The following DIP2C variants were observed in gnomAD, a reference collection of about 807,000 sequenced individuals.
DIP2C encodes DIP2 acetate--CoA ligase C (putative), also known as disco-interacting protein 2 homolog C.
Under a neutral mutation model 192.4 loss-of-function variants are expected in DIP2C, and 33 were observed. That is an observed-to-expected ratio of 0.17 (90% CI 0.13 to 0.23). The LOEUF is 0.23. Ranked by LOEUF, DIP2C falls within the 10% of genes least tolerant of loss-of-function variation. The pLI is 1.00. For synonymous variants in DIP2C, 979 were observed against 864.1 expected, an observed-to-expected ratio of 1.13 and a Z score of -2.33; for missense variants, 1,537 against 2,110.1, an observed-to-expected ratio of 0.73 and a Z score of 5.32.
chr10:400,178 G>A (rs779189162), intron 9 of DIP2C, among the ~76,000 whole-genome samples: 2 of 150,380 alleles, frequency 1.3e-5, no homozygotes, highest in Non-Finnish European at 3.0e-5. Flanking sequence ...GAGCACTACT[G>A]CATGCAGCTA....
At chr10:299,846 T>C (rs1955933798) in intron 32 of DIP2C, among the ~76,000 whole-genome samples, 1 of 152,034 alleles carries the variant, frequency 6.6e-6, no homozygotes, top group African/African-American at 2.4e-5. Flanking sequence ...AGCTAAAAAG[T>C]GTGGAAAAAC....
At chr10:365,787 G>T (rs567713126) in intron 19 of DIP2C, among the ~76,000 whole-genome samples, 2 of 152,316 alleles carry the variant, frequency 1.3e-5, no homozygotes, top group East Asian at 3.9e-4. Context: ...GTGCCACTGA[G>T]ATCGTTACAT....
rs547412437 is a variant in DIP2C, at chr10:483,312, C to T, written c.157+3147G>A. 2.0e-5 allele frequency among the ~76,000 whole-genome samples: 3 copies of T among 152,360 alleles called. No individual in the cohort carries two copies. In the East Asian group the frequency reaches 5.8e-4, roughly 29 times the overall value. On this transcript the variant is annotated intron_variant, in intron 2 of 36. Coordinates refer to ENST00000280886, the MANE Select transcript of DIP2C (RefSeq NM_014974.3). ...GGGAACAAGAAAGAAAGATGTTTTCCACGAAGATCCTGCACAAAGGAAGTC... is the reference window on the plus strand; with the variant it reads ...GGGAACAAGAAAGAAAGATGTTTTCTACGAAGATCCTGCACAAAGGAAGTC...
At chr10:472,317 G>C (rs1970695716) in intron 3 of DIP2C, 122 bp downstream of exon 3, 1 of 770,610 alleles carries the variant, frequency 1.3e-6, no homozygotes, top group African/African-American at 1.8e-5. Flanking sequence ...GAAAGCTGGA[G>C]GCCCCTCGCG....
chr10:506,132 C>A (rs775987054), intron 1 of DIP2C, among the ~76,000 whole-genome samples: 3 of 152,156 alleles, frequency 2.0e-5, no homozygotes, highest in Non-Finnish European at 4.4e-5. Context: ...ACATGCTTCC[C>A]ATGCTCGTTA....
At position 591,059 on chromosome 10, in the gene DIP2C, C is replaced by A. The variant is rs372242927; in HGVS notation, c.85+98435G>T. Among the ~76,000 whole-genome samples, 5 of 152,124 alleles carry A rather than the reference C, an allele frequency of 3.3e-5. No individual in the cohort carries two copies. The South Asian group carries it at 1.0e-3, about 32-fold the overall frequency. On this transcript the variant is annotated intron_variant, in intron 1 of 36. Transcript: ENST00000280886. ...AACACACATCCAATTCATCCTGTCA[C>A]TAAAAAATGAAAGAAGCCGCCACCT...
chr10:426,212 G>A (rs1040633801), intron 4 of DIP2C, among the ~76,000 whole-genome samples: 1 of 152,066 alleles, frequency 6.6e-6, no homozygotes, highest in South Asian at 2.1e-4. Flanking sequence ...TAAACAACCT[G>A]AGAATAAAGT....
At chr10:598,532 C>T (rs1851857468) in intron 1 of DIP2C, among the ~76,000 whole-genome samples, 1 of 152,188 alleles carries the variant, frequency 6.6e-6, no homozygotes, top group South Asian at 2.1e-4. Flanking sequence ...GGAGAGGCCC[C>T]AGCCTGGCTC....
rs553326041 is a variant in DIP2C at position 599,946 on chromosome 10, G to A, written c.85+89548C>T. ...TCTCCTGTGTACACCTCAAGAGGCC[G>A]GGTGTGCAGGAGGGGGCTTCCAGGA... On this transcript the variant is annotated intron_variant, in intron 1 of 36. Coordinates refer to ENST00000280886, the MANE Select transcript of DIP2C (RefSeq NM_014974.3). Among the ~76,000 whole-genome samples the A allele has an allele frequency of 8.2e-4, 125 of 152,252 alleles. 2 individuals are homozygous for A. The highest frequency in any genetic ancestry group is 1.1e-3 in the Non-Finnish European group (72 of 68,022).
chr10:348,622 A>C lies in DIP2C; in HGVS notation c.3231+19T>G. 1 of 1,610,360 alleles carries C rather than the reference A, an allele frequency of 6.2e-7. No individual in the cohort carries two copies. Among genetic ancestry groups the C allele is most frequent in the Non-Finnish European group, 8.5e-7 (1 of 1,178,634 alleles). On this transcript the variant is annotated intron_variant, in intron 26 of 36. Coordinates refer to ENST00000280886, the MANE Select transcript of DIP2C (RefSeq NM_014974.3). ...CAGCTCCAGGCAGGTGGAGGCCCCG[A>C]CATTCCCAGGCATGTTACCTCCACA... is the stretch of plus-strand genomic sequence containing the variant.
Position 497,102 on chromosome 10 carries a change from C to A in DIP2C, c.86-10572G>T, listed in dbSNP as rs745920122. ...TCGTGCCACTGCACTCCAGCCTGGG[C>A]GACTAGAGCAAGACTCCACCTCGAA... On this transcript the variant is annotated intron_variant, in intron 1 of 36. Coordinates refer to ENST00000280886, the MANE Select transcript of DIP2C (RefSeq NM_014974.3). 1.3e-5 allele frequency among the ~76,000 whole-genome samples: 2 copies of A among 151,984 alleles called. 1 individual carries two copies. Among genetic ancestry groups the A allele is most frequent in the South Asian group, 4.2e-4 (2 of 4,812 alleles).
rs549225988 is a variant in DIP2C at position 366,318 on chromosome 10, G to A, written c.2225C>T (p.Thr742Met). The A allele has an allele frequency of 1.7e-5, 27 of 1,613,924 alleles. No individual in the cohort carries two copies. The highest frequency in any genetic ancestry group is 5.3e-5 in the African/African-American group (4 of 75,014). ...ELCVCAVATG[T>M]SYYGLSGMTK... ...CATGCCAGAGAGGCCATAGTAGGAC[G>A]TGCCCGTCGCAACTGCACACACACA... The change falls in exon 19 of 37, where the codon ACG becomes ATG. Residue 742 changes from threonine (T) to methionine (M), a missense_variant. Physicochemically the swap from Thr to Met is moderately conservative, Grantham distance 81. This residue lies in a region of DIP2C where 677 missense variants were observed against 989.9 expected (regional missense o/e 0.68). Transcript: ENST00000280886.
At chr10:637,089 G>A (rs1216204351) in intron 1 of DIP2C, among the ~76,000 whole-genome samples, 2 of 152,242 alleles carry the variant, frequency 1.3e-5, no homozygotes, top group Admixed American at 6.5e-5. Context: ...ATAACATAAC[G>A]TCTGATTCCA....
chr10:433,165 A>G (rs1966902767), intron 4 of DIP2C, among the ~76,000 whole-genome samples: 1 of 152,212 alleles, frequency 6.6e-6, no homozygotes, highest in Non-Finnish European at 1.5e-5. Context: ...TGGCTACTGA[A>G]TTGGTCCATT....
chr10:428,030 A>G (rs1966706206), intron 4 of DIP2C, among the ~76,000 whole-genome samples: 1 of 152,226 alleles, frequency 6.6e-6, no homozygotes, highest in South Asian at 2.1e-4. Flanking sequence ...AAATGAATAA[A>G]CAGCATGTGT....
At chr10:575,461 C>G (rs1007688280) in intron 1 of DIP2C, among the ~76,000 whole-genome samples, 5 of 152,174 alleles carry the variant, frequency 3.3e-5, no homozygotes, top group Admixed American at 1.3e-4. Context: ...AGGACTGAAA[C>G]TCAGCTTCTG....
chr10:373,623 C>T (rs147560075), intron 17 of DIP2C, among the ~76,000 whole-genome samples: 308 of 152,192 alleles, frequency 2.0e-3, no homozygotes, highest in East Asian at 0.013. Flanking sequence ...TGCCCTGACA[C>T]ACCATAAACT....
intron 17 of DIP2C, among the ~76,000 whole-genome samples, chr10:375,810 A>T (rs1229187158): frequency 6.6e-6 from 1 of 152,220 alleles, no homozygotes; most frequent in East Asian, 1.9e-4. Flanking sequence ...CTGCACCTGC[A>T]CAGCTTCAGT....
intron 22 of DIP2C, 80 bp from the exon 23 acceptor site, chr10:358,017 C>T: frequency 9.4e-7 from 1 of 1,058,946 alleles, no homozygotes; most frequent in Non-Finnish European, 1.4e-6. Context: ...TGGTAAAGAC[C>T]TTACTCTCGG....
Sources: allele counts gnomAD v4.1 joint callset (sites outside exome capture counted in the v4.1 genomes callset), GRCh38; gene constraint gnomAD v4.1.1; regional missense constraint gnomAD v4.1.1; transcripts MANE v1.5; gene names NCBI Gene and HGNC (gene_info 2026-07-23, HGNC 2026-07-21).